Variants in R3HDM2 observed in about 807,000 individuals in gnomAD.
The protein encoded by R3HDM2 is R3H domain containing 2.
R3HDM2 carries 38 observed loss-of-function variants against 124.5 expected under a neutral mutation model. The observed-to-expected ratio is 0.31, with a 90% confidence interval of 0.24 to 0.40. The LOEUF (loss-of-function observed/expected upper bound fraction) is 0.40. Among genes scored for constraint, R3HDM2 ranks in the 10% least tolerant of loss-of-function variants. The probability of loss-of-function intolerance (pLI) is 1.00; values close to 1 mark genes in which losing one functional copy is unlikely to be tolerated. For missense variants in R3HDM2, 869 were observed against 1,236.9 expected (o/e 0.70, Z 4.46); for synonymous variants, 391 against 448.0 (o/e 0.87, Z 1.61).
intron 2 of R3HDM2, among the ~76,000 whole-genome samples, chr12:57,327,466 CAA>C (rs34045324): frequency 9.5e-5 from 10 of 105,758 alleles, no homozygotes; most frequent in Non-Finnish European, 3.8e-5. Flanking sequence ...GACTCCGTCT[CAA>C]AAAAAAAAAA....
At chr12:57,358,358 C>T (rs1216569811) in intron 2 of R3HDM2, among the ~76,000 whole-genome samples, 1 of 151,908 alleles carries the variant, frequency 6.6e-6, no homozygotes, top group Admixed American at 6.6e-5. Flanking sequence ...TAATAGAGGC[C>T]AAGTGGAGAA....
At position 57,280,416 on chromosome 12, in the gene R3HDM2, G is replaced by A; in HGVS notation, c.1286C>T (p.Pro429Leu). ...TTGCTGAGGCGTGGGTGGGAGAGCA[G>A]GAAGTTGCTGCTGCTGCTGCTGCTG... The part of the protein sequence containing the change: ...QQQQQQQQQL[P>L]ALPPTPQQQP... The change falls in exon 14 of 24, where the codon CCT becomes CTT. Residue 429 changes from proline to leucine, a missense_variant. Around this residue, in one of 2 missense-constraint regions of R3HDM2, gnomAD observed 602 missense variants for 789.2 expected, o/e 0.76. Coordinates refer to ENST00000402412, the MANE Select transcript of R3HDM2 (RefSeq NM_001394031.1). The A allele has an allele frequency of 6.2e-7, 1 of 1,614,140 alleles. No homozygotes were observed. Among genetic ancestry groups the A allele is most frequent in the Non-Finnish European group, 8.5e-7 (1 of 1,179,996 alleles).
intron 1 of R3HDM2, among the ~76,000 whole-genome samples, chr12:57,407,656 C>T (rs139380323): frequency 0.027 from 4,037 of 152,194 alleles, 69 homozygotes; most frequent in Non-Finnish European, 0.039. Context: ...CCACCCGCCT[C>T]GGCCTCCCAA....
intron 1 of R3HDM2, among the ~76,000 whole-genome samples, chr12:57,412,876 G>A (rs2069136114): frequency 6.6e-6 from 1 of 152,036 alleles, no homozygotes; most frequent in Non-Finnish European, 1.5e-5. Flanking sequence ...CACGGGCCGG[G>A]TGCAGTGGCT....
In R3HDM2 at chr12:57,255,054, C is replaced by T. The variant is rs777846007; in HGVS notation, c.2692G>A (p.Asp898Asn). 2 of 1,612,768 alleles carry T rather than the reference C, an allele frequency of 1.2e-6. No individual in the cohort carries two copies. The highest frequency in any genetic ancestry group is 2.2e-5 in the South Asian group (2 of 90,956). ...ATGGCGAGCTGCGTGAAGAGTTTGT[C>T]CGCCTCAGTACGGGTGATGCCCTCA... ...LPEGITRTEADKLFTQLAMSG... is the reference protein window; with the variant it reads ...LPEGITRTEANKLFTQLAMSG... Residue 898 changes from aspartate (D) to asparagine (N), a missense_variant, in exon 24 of 24, where the codon GAC becomes AAC. By Grantham distance (23) the Asp-to-Asn change is conservative. Transcript: ENST00000402412.
chr12:57,344,427 C>T (rs1263875674), intron 2 of R3HDM2, among the ~76,000 whole-genome samples: 2 of 152,116 alleles, frequency 1.3e-5, no homozygotes, highest in Non-Finnish European at 2.9e-5. Context: ...TCAAATTTTC[C>T]AGGATACAAT....
At chr12:57,374,427 C>A (rs1004516964) in intron 2 of R3HDM2, among the ~76,000 whole-genome samples, 1 of 151,498 alleles carries the variant, frequency 6.6e-6, no homozygotes, top group African/African-American at 2.4e-5. Context: ...TGGTGGCTCA[C>A]GTCTGTAATC....
chr12:57,378,588 A>T (rs900821347), intron 2 of R3HDM2, among the ~76,000 whole-genome samples: 1 of 152,146 alleles, frequency 6.6e-6, no homozygotes, highest in Non-Finnish European at 1.5e-5. Context: ...CATGTTGCCC[A>T]GGCTGGTCTC....
chr12:57,412,120 T>G (rs766022025), intron 1 of R3HDM2, among the ~76,000 whole-genome samples: 20 of 152,202 alleles, frequency 1.3e-4, no homozygotes, highest in Non-Finnish European at 2.5e-4. Flanking sequence ...TTACCCAGTC[T>G]CCAGCATTTC....
intron 2 of R3HDM2, among the ~76,000 whole-genome samples, chr12:57,369,607 A>G (rs2063076276): frequency 6.6e-6 from 1 of 152,174 alleles, no homozygotes; most frequent in African/African-American, 2.4e-5. Flanking sequence ...AAATACTTAG[A>G]ATTTTTACCA....
intron 13 of R3HDM2, among the ~76,000 whole-genome samples, chr12:57,281,981 A>G (rs1276294426): frequency 6.6e-6 from 1 of 152,220 alleles, no homozygotes; most frequent in Admixed American, 6.5e-5. Flanking sequence ...ACAGATGCTT[A>G]TAAGACCAAG....
At chr12:57,393,004 C>T (rs1298518109) in intron 2 of R3HDM2, among the ~76,000 whole-genome samples, 1 of 152,026 alleles carries the variant, frequency 6.6e-6, no homozygotes, top group Non-Finnish European at 1.5e-5. Flanking sequence ...CAGGGTTTCA[C>T]CATGTTAGCC....
intron 2 of R3HDM2, among the ~76,000 whole-genome samples, chr12:57,389,103 GA>G (rs2066299909): frequency 6.6e-6 from 1 of 152,072 alleles, no homozygotes; most frequent in South Asian, 2.1e-4. Context: ...ATGCAAACAA[GA>G]AGGAAAATAA....
chr12:57,307,797 A>C (rs949544919), intron 3 of R3HDM2, among the ~76,000 whole-genome samples: 1 of 151,448 alleles, frequency 6.6e-6, no homozygotes, highest in Non-Finnish European at 1.5e-5. Flanking sequence ...GCTCAGAAGC[A>C]GAATTTTTAG....
chr12:57,258,280 G>T, intron 20 of R3HDM2, 143 bp from the exon 21 acceptor site: 1 of 487,672 alleles, frequency 2.1e-6, no homozygotes, highest in Non-Finnish European at 3.2e-6. Context: ...CCTTCAAACT[G>T]CAACCTCAGT....
At chr12:57,430,497 A>ACCCCCCC in intron 1 of R3HDM2, 7 of 381,578 alleles carry the variant, frequency 1.8e-5, no homozygotes, top group Non-Finnish European at 2.1e-5. Context: ...CTGCCCCCGC[A>ACCCCCCC]CCGCCGCCCT....
intron 13 of R3HDM2, among the ~76,000 whole-genome samples, chr12:57,282,182 G>A (rs991204132): frequency 6.6e-6 from 1 of 151,962 alleles, no homozygotes; most frequent in Non-Finnish European, 1.5e-5. Context: ...GTGGTGGCGG[G>A]TGCCTGTGAT....
chr12:57,255,105 G>A lies in R3HDM2; in HGVS notation c.2641C>T (p.Arg881Trp), dbSNP rs2038526984. 4 of 1,582,174 alleles carry A rather than the reference G, an allele frequency of 2.5e-6. No individual in the cohort carries two copies. The highest frequency in any genetic ancestry group is 3.4e-6 in the Non-Finnish European group (4 of 1,162,726). The change falls in exon 24 of 24, where the codon CGG becomes TGG. Residue 881 changes from arginine to tryptophan, a missense_variant. By Grantham distance (101) the Arg-to-Trp change is moderately radical. Around this residue, in one of 2 missense-constraint regions of R3HDM2, gnomAD observed 602 missense variants for 789.2 expected, o/e 0.76. Coordinates refer to ENST00000402412, the MANE Select transcript of R3HDM2 (RefSeq NM_001394031.1). ...DLGTADVVLG[R>W]VLEVTDLPEG... ...GGGAGATCTGTCACCTCCAGCACCC[G>A]CCCCAGGACTGGAAGGGGAGGAGAG...
Position 57,268,309 on chromosome 12 carries a change from C to T in R3HDM2, c.2024G>A (p.Gly675Asp). 6.2e-7 allele frequency: 1 copy of T among 1,613,628 alleles called. No homozygotes were observed. Among genetic ancestry groups the T allele is most frequent in the East Asian group, 2.2e-5 (1 of 44,872 alleles). Residue 675 changes from glycine (G) to aspartate (D), a missense_variant, in exon 18 of 24, where the codon GGT becomes GAT. Physicochemically the swap from Gly to Asp is moderately conservative, Grantham distance 94 (BLOSUM62 -1). Around this residue, in one of 2 missense-constraint regions of R3HDM2, gnomAD observed 602 missense variants for 789.2 expected, o/e 0.76. Coordinates refer to ENST00000402412, the MANE Select transcript of R3HDM2 (RefSeq NM_001394031.1). ...YSMIPPAQQN[G>D]TSPSVGFLQP... is the part of the protein sequence containing the mutation. ...GCTCTCTGGGAGTCCTCACCTCGTA[C>T]CGTTCTGCTGAGCAGGTGGGATCAT...
Sources: gnomAD v4.1 joint callset for allele counts (sites outside exome capture counted in the v4.1 genomes callset) on GRCh38, gnomAD v4.1.1 for gene constraint, gnomAD v4.1.1 regional missense constraint, MANE v1.5 for transcripts, NCBI Gene and HGNC (gene_info 2026-07-23, HGNC 2026-07-21) for gene names.